The following METTL25 variants were observed in gnomAD, a reference collection of about 807,000 sequenced individuals.
METTL25 encodes methyltransferase like 25.
METTL25 carries 64 observed loss-of-function variants against 71.6 expected under a neutral mutation model. That is an observed-to-expected ratio of 0.89 (90% CI 0.73 to 1.10). The LOEUF (loss-of-function observed/expected upper bound fraction) is 1.10, where lower values mean the gene tolerates loss of function less well. Ranked by LOEUF, METTL25 falls within the 50% of genes least tolerant of loss-of-function variation. METTL25 has a pLI of 0.00. For missense variants in METTL25, 807 were observed against 707.0 expected, an observed-to-expected ratio of 1.14 and a Z score of -1.60; for synonymous variants, 287 against 250.3, an observed-to-expected ratio of 1.15 and a Z score of -1.38.
chr12:82,463,782 CTG>C (rs1892052739), intron 9 of METTL25, among the ~76,000 whole-genome samples: 1 of 151,852 alleles, frequency 6.6e-6, no homozygotes, highest in African/African-American at 2.4e-5. Flanking sequence ...GCCATTCTAA[CTG>C]GGGGAGATGA....
intron 5 of METTL25, among the ~76,000 whole-genome samples, chr12:82,408,830 A>T: frequency 6.6e-6 from 1 of 152,144 alleles, no homozygotes; most frequent in Non-Finnish European, 1.5e-5. Context: ...GTTTATGTGC[A>T]CAAAGTTAGC....
intron 5 of METTL25, among the ~76,000 whole-genome samples, chr12:82,404,347 G>A (rs1412804590): frequency 6.6e-6 from 1 of 150,560 alleles, no homozygotes; most frequent in Admixed American, 6.6e-5. Context: ...CAAAAATTAG[G>A]GTAAAAAATG....
At chr12:82,462,963 G>A in intron 9 of METTL25, among the ~76,000 whole-genome samples, 1 of 151,882 alleles carries the variant, frequency 6.6e-6, no homozygotes, top group South Asian at 2.1e-4. Context: ...CATAATAATT[G>A]TACATATTTA....
At chr12:82,366,790 T>G (rs1882625846) in intron 1 of METTL25, among the ~76,000 whole-genome samples, 1 of 152,232 alleles carries the variant, frequency 6.6e-6, no homozygotes, top group Non-Finnish European at 1.5e-5. Flanking sequence ...TATGTAACTT[T>G]TATTCATTCA....
Position 82,456,725 on chromosome 12 carries a change from AG to A in METTL25, c.1479-1del, listed in dbSNP as rs1891516710. 6.4e-7 allele frequency: 1 copy of A among 1,567,454 alleles called. No homozygotes were observed. The highest frequency in any genetic ancestry group is 1.4e-5 in the African/African-American group (1 of 73,130). ...AAAAATTTATTCAATTTTGTTTTAC[AG>A]TGATCGGCATGTTGGTAAAATTTAT... On this transcript the variant is annotated splice_acceptor_variant, in intron 8 of 11. Transcript: ENST00000248306. LOFTEE classifies it high-confidence loss of function.
intron 9 of METTL25, among the ~76,000 whole-genome samples, chr12:82,460,974 TCTACTAAAA>T (rs1220370493): frequency 6.6e-6 from 1 of 152,082 alleles, no homozygotes; most frequent in African/African-American, 2.4e-5. Flanking sequence ...AAACCCCATC[TCTACTAAAA>T]CTACAAAAAA....
chr12:82,378,175 T>G (rs1884072740), intron 1 of METTL25, among the ~76,000 whole-genome samples: 1 of 152,214 alleles, frequency 6.6e-6, no homozygotes, highest in Non-Finnish European at 1.5e-5. Context: ...TTTAGGCTGA[T>G]ACCAATGACA....
chr12:82,443,652 A>G (rs760606604), intron 8 of METTL25, among the ~76,000 whole-genome samples: 39 of 152,176 alleles, frequency 2.6e-4, no homozygotes, highest in Admixed American at 6.5e-5. Context: ...GAATGGTCCC[A>G]ACATCTCCTT....
chr12:82,428,309 G>A (rs1234047232), intron 5 of METTL25, among the ~76,000 whole-genome samples: 1 of 151,848 alleles, frequency 6.6e-6, no homozygotes, highest in Admixed American at 6.6e-5. Flanking sequence ...GGAATAAGGA[G>A]AGAACGGATG....
intron 3 of METTL25, among the ~76,000 whole-genome samples, chr12:82,398,444 T>A (rs545338989): frequency 6.6e-6 from 1 of 152,146 alleles, no homozygotes; most frequent in East Asian, 1.9e-4. Flanking sequence ...TCTATTGACT[T>A]TGTGCCCTGA....
chr12:82,478,732 A>G (rs577443860), intron 11 of METTL25, among the ~76,000 whole-genome samples, 200 bp from the exon 12 acceptor site: 4 of 151,978 alleles, frequency 2.6e-5, no homozygotes, highest in East Asian at 1.9e-4. Context: ...TTCACTCTCT[A>G]TGTACATCCT....
At chr12:82,387,596 T>C (rs1298448597) in intron 2 of METTL25, among the ~76,000 whole-genome samples, 1 of 151,976 alleles carries the variant, frequency 6.6e-6, no homozygotes, top group Non-Finnish European at 1.5e-5. Flanking sequence ...TTTGAAAATT[T>C]CCAAACCTAC....
intron 1 of METTL25, among the ~76,000 whole-genome samples, chr12:82,372,059 G>T (rs144957963): frequency 6.6e-6 from 1 of 152,172 alleles, no homozygotes; most frequent in Non-Finnish European, 1.5e-5. Context: ...CCAAACTCTC[G>T]TGCTGCAGCT....
chr12:82,373,619 G>A (rs530925083), intron 1 of METTL25, among the ~76,000 whole-genome samples: 8 of 152,322 alleles, frequency 5.3e-5, no homozygotes, highest in Admixed American at 1.3e-4. Flanking sequence ...GGATAGATGA[G>A]TGAGTCTCGC....
intron 5 of METTL25, among the ~76,000 whole-genome samples, chr12:82,420,069 T>A (rs1888347650): frequency 1.3e-5 from 2 of 152,166 alleles, no homozygotes; most frequent in Non-Finnish European, 2.9e-5. Flanking sequence ...ACAATATGGA[T>A]GGACCTGGAG....
chr12:82,430,857 T>G (rs1477595852), intron 5 of METTL25, 36 bp from the exon 6 acceptor site: 1 of 1,110,074 alleles, frequency 9.0e-7, no homozygotes, highest in Non-Finnish European at 1.3e-6. Flanking sequence ...AGAAAGAATT[T>G]TATTTAAATA....
At chr12:82,404,465 G>T (rs7304084) in intron 5 of METTL25, among the ~76,000 whole-genome samples, 129,111 of 152,168 alleles carry the variant, frequency 0.85, 55,145 homozygotes, top group East Asian at 1. Context: ...ATACTTTAAT[G>T]CAATCACAGT....
intron 5 of METTL25, among the ~76,000 whole-genome samples, chr12:82,405,637 A>T (rs1887031079): frequency 6.6e-6 from 1 of 152,228 alleles, no homozygotes. Flanking sequence ...TTCACTGGTC[A>T]TGTATTCTAA....
chr12:82,365,002 A>G (rs988197895), intron 1 of METTL25, among the ~76,000 whole-genome samples: 3 of 152,158 alleles, frequency 2.0e-5, no homozygotes, highest in Non-Finnish European at 4.4e-5. Flanking sequence ...AAATGATTCT[A>G]TTTTTACATT....
Sources: gnomAD v4.1 joint callset for allele counts (sites outside exome capture counted in the v4.1 genomes callset) on GRCh38, gnomAD v4.1.1 for gene constraint, MANE v1.5 for transcripts, NCBI Gene and HGNC (gene_info 2026-07-23, HGNC 2026-07-21) for gene names.